The following PLB1 variants were observed in gnomAD, a reference collection of about 807,000 sequenced individuals.
PLB1 encodes phospholipase B1, membrane-associated.
A neutral mutation model predicts 227.4 loss-of-function variants in PLB1; 242 were observed. That is an observed-to-expected ratio of 1.06 (90% CI 0.96 to 1.18). The LOEUF (loss-of-function observed/expected upper bound fraction) is 1.18. Among genes scored for constraint, PLB1 ranks in the 50% most tolerant of loss-of-function variants. PLB1 has a pLI of 0.00. For synonymous variants in PLB1, 757 were observed against 682.2 expected (o/e 1.11, Z -1.71); for missense variants, 1,858 against 1,816.3 (o/e 1.02, Z -0.42).
chr2:28,591,683 T>C lies in PLB1; in HGVS notation c.2128-17T>C. The C allele has an allele frequency of 6.2e-7, 1 of 1,613,420 alleles. No homozygotes were observed. Among genetic ancestry groups the C allele is most frequent in the African/African-American group, 1.3e-5 (1 of 75,028 alleles). Reference sequence around the variant, plus strand: ...CCTTTCAACCCTGAGATTCTGGGATTTGTTCTATGCCCTTAGGGTCATGGG... The same window carrying C: ...CCTTTCAACCCTGAGATTCTGGGATCTGTTCTATGCCCTTAGGGTCATGGG... On this transcript the variant is annotated splice_polypyrimidine_tract_variant and intron_variant, in intron 30 of 57. Coordinates refer to ENST00000327757, the MANE Select transcript of PLB1 (RefSeq NM_153021.5).
intron 17 of PLB1, among the ~76,000 whole-genome samples, chr2:28,558,856 C>A (rs1403789857): frequency 6.6e-6 from 1 of 152,064 alleles, no homozygotes; most frequent in African/African-American, 2.4e-5. Flanking sequence ...GGCCACAAGA[C>A]AATTTATACA....
intron 17 of PLB1, among the ~76,000 whole-genome samples, chr2:28,557,285 C>T (rs1267788428): frequency 6.6e-6 from 1 of 152,166 alleles, no homozygotes; most frequent in Admixed American, 6.5e-5. Flanking sequence ...TTCTTGAGCT[C>T]CTCTGTGGAA....
chr2:28,594,915 G>A (rs1682644919), intron 33 of PLB1: 1 of 152,090 alleles, frequency 6.6e-6, no homozygotes, highest in African/African-American at 2.4e-5. Context: ...TTACAATCAG[G>A]AAAGAGCATG....
chr2:28,606,533 T>C lies in PLB1; in HGVS notation c.3095T>C (p.Leu1032Pro), dbSNP rs1266603483. ...GGAAGCAAAACAGAGACCCTGGACC[T>C]GAGAGCAGAGATGCCCATCACCTGT... ...PLGSKTETLD[L>P]RAEMPITCPT... The change falls in exon 43 of 58, where the codon CTG becomes CCG. Residue 1032 changes from leucine (L) to proline (P), a missense_variant. Physicochemically the swap from Leu to Pro is moderately conservative, Grantham distance 98. Coordinates refer to ENST00000327757, the MANE Select transcript of PLB1 (RefSeq NM_153021.5). The C allele has an allele frequency of 6.2e-7, 1 of 1,614,094 alleles. No individual in the cohort carries two copies. The highest frequency in any genetic ancestry group is 8.5e-7 in the Non-Finnish European group (1 of 1,180,034).
intron 18 of PLB1, among the ~76,000 whole-genome samples, chr2:28,564,569 C>T (rs1177363980): frequency 6.6e-6 from 1 of 152,202 alleles, no homozygotes; most frequent in Non-Finnish European, 1.5e-5. Context: ...GACAAGGGGT[C>T]ATCACATCTC....
chr2:28,498,775 T>C (rs372771632), intron 1 of PLB1, among the ~76,000 whole-genome samples: 2 of 152,232 alleles, frequency 1.3e-5, no homozygotes, highest in Non-Finnish European at 2.9e-5. Context: ...TATTAACTTC[T>C]GTTTTTGAGA....
chr2:28,621,425 C>T (rs754862336), intron 49 of PLB1, among the ~76,000 whole-genome samples: 7 of 152,224 alleles, frequency 4.6e-5, no homozygotes, highest in Admixed American at 6.5e-5. Flanking sequence ...CCCTTTCTCT[C>T]TCCCCACCTC....
At chr2:28,537,982 G>A (rs1328356680) in intron 9 of PLB1, among the ~76,000 whole-genome samples, 1 of 152,202 alleles carries the variant, frequency 6.6e-6, no homozygotes, top group East Asian at 1.9e-4. Flanking sequence ...GTCTTTGGGA[G>A]TAAGTCTCCT....
rs144869346 is a variant in PLB1, at chr2:28,602,302, C to T, written c.2673+338C>T. On this transcript the variant is annotated intron_variant, in intron 38 of 57. Coordinates refer to ENST00000327757, the MANE Select transcript of PLB1 (RefSeq NM_153021.5). ...CCCAGGCTGGGCACTGCCTTCTGAG[C>T]CACAGGGTGTGTCTAGAGCAAGCCC... 4.6e-5 allele frequency among the ~76,000 whole-genome samples: 7 copies of T among 152,338 alleles called. No individual in the cohort carries two copies. The East Asian group carries it at 1.4e-3, about 29-fold the overall frequency.
intron 33 of PLB1, among the ~76,000 whole-genome samples, chr2:28,596,553 G>T (rs965424161): frequency 6.6e-6 from 1 of 152,226 alleles, no homozygotes; most frequent in African/African-American, 2.4e-5. Context: ...GGCAGAATTA[G>T]AACACAAGTG....
intron 23 of PLB1, 100 bp from the exon 24 acceptor site, chr2:28,581,968 G>GAAA: frequency 2.3e-5 from 23 of 991,180 alleles, no homozygotes; most frequent in African/African-American, 7.1e-5. Flanking sequence ...CTCAAAAAAA[G>GAAA]AAAAAAAAAA....
chr2:28,626,367 G>T (rs959884637), intron 50 of PLB1, 61 bp from the exon 51 acceptor site: 287 of 1,453,896 alleles, frequency 2.0e-4, no homozygotes, highest in Non-Finnish European at 2.5e-4. Flanking sequence ...GGCTGGCCCA[G>T]TAGCAACATT....
chr2:28,549,668 T>C (rs1320686949), intron 15 of PLB1, among the ~76,000 whole-genome samples: 1 of 152,220 alleles, frequency 6.6e-6, no homozygotes, highest in Non-Finnish European at 1.5e-5. Flanking sequence ...TTTGTTACTA[T>C]GCAATAATAA....
At chr2:28,548,744 A>G (rs1335732026) in intron 14 of PLB1, 116 bp from the exon 15 acceptor site, 3 of 967,746 alleles carry the variant, frequency 3.1e-6, no homozygotes, top group Non-Finnish European at 4.9e-6. Context: ...GGACACGTGC[A>G]TTTCTAATGC....
chr2:28,605,770 T>G, intron 41 of PLB1, 83 bp from the exon 42 acceptor site: 1 of 1,036,968 alleles, frequency 9.6e-7, no homozygotes, highest in Non-Finnish European at 1.5e-6. Flanking sequence ...AGGTGTTGAG[T>G]GGTCAGTCCC....
chr2:28,622,991 G>T (rs1007274458), intron 49 of PLB1, among the ~76,000 whole-genome samples: 1 of 152,196 alleles, frequency 6.6e-6, no homozygotes, highest in African/African-American at 2.4e-5. Context: ...CTAAACAAAT[G>T]GGAAATAACT....
chr2:28,519,685 A>G lies in PLB1; in HGVS notation c.185-20A>G, dbSNP rs748051166. On this transcript the variant is annotated intron_variant, in intron 3 of 57. Transcript: ENST00000327757. ...GGGAATGTAGATCTGACCTTCCTAT[A>G]TGGGTTCTTGTCTCCACAGTTCACT... The G allele has an allele frequency of 1.9e-6, 3 of 1,586,584 alleles. No homozygotes were observed. Among genetic ancestry groups the G allele is most frequent in the Non-Finnish European group, 2.6e-6 (3 of 1,156,104 alleles).
intron 43 of PLB1, among the ~76,000 whole-genome samples, chr2:28,606,815 G>C (rs1684745524): frequency 6.6e-6 from 1 of 152,178 alleles, no homozygotes; most frequent in Non-Finnish European, 1.5e-5. Context: ...AGCAGAGGGA[G>C]AGGATCCCGG....
chr2:28,498,609 G>A (rs977135663), intron 1 of PLB1, among the ~76,000 whole-genome samples: 1 of 152,030 alleles, frequency 6.6e-6, no homozygotes, highest in African/African-American at 2.4e-5. Flanking sequence ...ACCATTTATT[G>A]AAAAATCGGT....
Sources: allele counts gnomAD v4.1 joint callset (sites outside exome capture counted in the v4.1 genomes callset), GRCh38; gene constraint gnomAD v4.1.1; transcripts MANE v1.5; gene names NCBI Gene and HGNC (gene_info 2026-07-23, HGNC 2026-07-21).